Variants in MALT1 observed in about 807,000 individuals in gnomAD.
MALT1 encodes MALT1 paracaspase, also known as mucosa-associated lymphoid tissue lymphoma translocation protein 1.
MALT1 carries 36 observed loss-of-function variants against 85.5 expected under a neutral mutation model. The ratio of observed to expected loss-of-function variants is 0.42; its 90% CI spans 0.32 to 0.56. The LOEUF (loss-of-function observed/expected upper bound fraction) is 0.56. MALT1 is among the 20% of genes least tolerant of loss of function. MALT1 has a pLI of 0.10. For missense variants in MALT1, 716 were observed against 981.6 expected, an observed-to-expected ratio of 0.73 and a Z score of 3.62; for synonymous variants, 359 against 361.3, an observed-to-expected ratio of 0.99 and a Z score of 0.07.
At chr18:58,673,431 C>T (rs962663053) in intron 1 of MALT1, among the ~76,000 whole-genome samples, 1 of 151,938 alleles carries the variant, frequency 6.6e-6, no homozygotes, top group Non-Finnish European at 1.5e-5. Flanking sequence ...CTGCTTCATT[C>T]TTCTTTATTC....
At chr18:58,737,573 CT>C (rs542313784) in intron 13 of MALT1, among the ~76,000 whole-genome samples, 1 of 151,702 alleles carries the variant, frequency 6.6e-6, no homozygotes, top group Non-Finnish European at 1.5e-5. Context: ...TTACCAATTT[CT>C]TTTTTTAATT....
chr18:58,705,865 G>C (rs1285597171), intron 4 of MALT1, among the ~76,000 whole-genome samples: 1 of 152,046 alleles, frequency 6.6e-6, no homozygotes, highest in Non-Finnish European at 1.5e-5. Flanking sequence ...GGGTCAAATG[G>C]TATTTCCAGT....
Position 58,741,902 on chromosome 18 carries a change from T to G in MALT1, c.1641T>G (p.Ala547=). The change falls in exon 14 of 17, where the codon GCT becomes GCG. Residue 547 remains alanine, a synonymous_variant. Coordinates refer to ENST00000649217, the MANE Select transcript of MALT1 (RefSeq NM_006785.4). ...GTCACCTTACCAAAGGCAAACAGGC[T>G]CTAGAGATTCGAAGTAGTTTATCTG... ...GKCHLTKGKQ[A]LEIRSSLSEK... 1 of 1,556,364 alleles carries G rather than the reference T, an allele frequency of 6.4e-7. No individual in the cohort carries two copies. The highest frequency in any genetic ancestry group is 8.8e-7 in the Non-Finnish European group (1 of 1,137,802).
At chr18:58,733,612 TAAA>T (rs1193467461) in intron 11 of MALT1, 38 bp downstream of exon 11, 1 of 1,447,736 alleles carries the variant, frequency 6.9e-7, no homozygotes, top group East Asian at 2.3e-5. Context: ...TTGTTGGAGT[TAAA>T]TATCGACCAT....
chr18:58,747,668 T>C lies in MALT1; in HGVS notation c.2301T>C (p.Asn767=). ...GTGTTTACCATTCACATCCTGGTAA[T>C]CCAAGTAATGTTACACCAGCAGATA... ...FHGVYHSHPG[N]PSNVTPADSC... The change falls in exon 17 of 17, where the codon AAT becomes AAC. Residue 767 remains asparagine, a synonymous_variant. Coordinates refer to ENST00000649217, the MANE Select transcript of MALT1 (RefSeq NM_006785.4). 2.5e-6 allele frequency: 4 copies of C among 1,614,192 alleles called. No homozygotes were observed. Among genetic ancestry groups the C allele is most frequent in the Non-Finnish European group, 3.4e-6 (4 of 1,180,018 alleles).
Position 58,671,513 on chromosome 18 carries a change from GT to G in MALT1, c.-130del, listed in dbSNP as rs2054157791. 1 of 516,890 alleles carries G rather than the reference GT, an allele frequency of 1.9e-6. No homozygotes were observed. Among genetic ancestry groups the G allele is most frequent in the South Asian group, 1.0e-4 (1 of 9,838 alleles). The allele number at this position is 516,890 out of a possible 1,614,324, so 32.0% of individuals were successfully genotyped here. On this transcript the variant is annotated 5_prime_UTR_variant, in exon 1 of 17. Coordinates refer to ENST00000649217, the MANE Select transcript of MALT1 (RefSeq NM_006785.4). ...AGCGGAGCTTCCTCCTCTGAGGGCC[GT>G]GCCGCGCTGCCAGATTTGTTCTTCC...
chr18:58,734,217 CTG>C (rs988545741), intron 11 of MALT1, 88 bp from the exon 12 acceptor site: 3 of 1,120,046 alleles, frequency 2.7e-6, no homozygotes, highest in African/African-American at 3.2e-5. Flanking sequence ...TTCTAAAAAA[CTG>C]TTGTATTTTC....
intron 9 of MALT1, among the ~76,000 whole-genome samples, chr18:58,718,947 A>T (rs1424071676): frequency 2.0e-5 from 3 of 152,142 alleles, no homozygotes; most frequent in Non-Finnish European, 4.4e-5. Flanking sequence ...GAGAGGGAAA[A>T]AAGGGTGAAG....
At position 58,746,102 on chromosome 18, in the gene MALT1, C is replaced by G. The variant is rs1043187484; in HGVS notation, c.2037+311C>G. Reference sequence around the variant, plus strand: ...GCATGAACATGACCTACTATAACCTCAAACTCCTCAGTGCATATGATCCTG... The same window carrying G: ...GCATGAACATGACCTACTATAACCTGAAACTCCTCAGTGCATATGATCCTG... On this transcript the variant is annotated intron_variant, in intron 16 of 16. Coordinates refer to ENST00000649217, the MANE Select transcript of MALT1 (RefSeq NM_006785.4). Among the ~76,000 whole-genome samples, 8 of 152,288 alleles carry G rather than the reference C, an allele frequency of 5.3e-5. No individual in the cohort carries two copies. In the South Asian group the frequency reaches 1.2e-3, roughly 24 times the overall value.
intron 9 of MALT1, among the ~76,000 whole-genome samples, chr18:58,720,629 A>G (rs963180152): frequency 9.2e-5 from 14 of 152,206 alleles, no homozygotes; most frequent in African/African-American, 3.4e-4. Flanking sequence ...TTCTTTCCCA[A>G]ATAGAGAACA....
rs764427700 is a variant in MALT1, at chr18:58,727,618, TTTTTTTTTTG to T, written c.1222+4377_1222+4386del. Reference sequence around the variant, plus strand: ...CCAGCCTGCCAAAGGTTTTTTGTGTTTTTTTTTTTGTTTTTTTTTTTTTTGAGGAAAAAAA... The same window carrying T: ...CCAGCCTGCCAAAGGTTTTTTGTGTTTTTTTTTTTTTTTTGAGGAAAAAAA... On this transcript the variant is annotated intron_variant, in intron 10 of 16. Coordinates refer to ENST00000649217, the MANE Select transcript of MALT1 (RefSeq NM_006785.4). 3.8e-3 allele frequency among the ~76,000 whole-genome samples: 527 copies of T among 138,388 alleles called. 2 individuals are homozygous for T. Among genetic ancestry groups the T allele is most frequent in the Non-Finnish European group, 6.4e-3 (411 of 63,882 alleles). 90.8% of individuals were successfully genotyped at this position (138,388 alleles called of 152,430 possible).
chr18:58,698,062 G>GTT (rs1490530395), intron 3 of MALT1, among the ~76,000 whole-genome samples: 5 of 110,940 alleles, frequency 4.5e-5, no homozygotes, highest in Non-Finnish European at 8.9e-5. Flanking sequence ...TTGTTGTTTT[G>GTT]TTTTGTTTTT....
chr18:58,695,253 A>G (rs1357441835), intron 2 of MALT1, among the ~76,000 whole-genome samples: 2 of 152,194 alleles, frequency 1.3e-5, no homozygotes, highest in East Asian at 3.8e-4. Flanking sequence ...GAAACAGACT[A>G]ATACTCTTAC....
At chr18:58,689,580 G>C (rs570335561) in intron 2 of MALT1, among the ~76,000 whole-genome samples, 75 of 152,288 alleles carry the variant, frequency 4.9e-4, no homozygotes, top group Non-Finnish European at 9.1e-4. Flanking sequence ...CCTTGGCCTT[G>C]CCCTCATGGA....
intron 1 of MALT1, among the ~76,000 whole-genome samples, chr18:58,674,409 G>A (rs1441272458): frequency 6.6e-6 from 1 of 152,136 alleles, no homozygotes; most frequent in Admixed American, 6.5e-5. Flanking sequence ...CTGAGAATTT[G>A]GGGTGGGAAG....
intron 4 of MALT1, among the ~76,000 whole-genome samples, chr18:58,702,018 T>A (rs1028618626): frequency 6.6e-6 from 1 of 152,100 alleles, no homozygotes; most frequent in African/African-American, 2.4e-5. Context: ...AATTCAAAGC[T>A]ACCTAAAAAT....
At chr18:58,741,659 T>C (rs778946473) in intron 13 of MALT1, 10 of 368,734 alleles carry the variant, frequency 2.7e-5, no homozygotes, top group Non-Finnish European at 4.4e-5. Flanking sequence ...CATTGGCATA[T>C]ACTATTTATG....
At position 58,709,873 on chromosome 18, in the gene MALT1, A is replaced by G. The variant is rs1180204146; in HGVS notation, c.829-103A>G. ...ATGTAACAAATGTCTAAAGCCTTCTAAGATGTTATGTTTTGGAGCGTATTT... is the reference window on the plus strand; with the variant it reads ...ATGTAACAAATGTCTAAAGCCTTCTGAGATGTTATGTTTTGGAGCGTATTT... On this transcript the variant is annotated intron_variant, in intron 5 of 16. Transcript: ENST00000649217. 4 of 761,744 alleles carry G rather than the reference A, an allele frequency of 5.3e-6. No individual in the cohort carries two copies. In the East Asian group the frequency reaches 7.4e-5, roughly 14 times the overall value. The allele number at this position is 761,744 out of a possible 1,614,324, so 47.2% of individuals were successfully genotyped here.
Position 58,696,415 on chromosome 18 carries a change from G to A in MALT1, c.426G>A (p.Gln142=). 1.3e-6 allele frequency: 2 copies of A among 1,582,540 alleles called. No homozygotes were observed. Among genetic ancestry groups the A allele is most frequent in the Admixed American group, 1.8e-5 (1 of 56,630 alleles). ...NPESKAVLAG[Q]FVKLCCRATG... ...AGTCAAAGGCAGTCTTGGCTGGACA[G>A]TTTGTGAAACTGTGTTGCCGGGCAA... The change falls in exon 3 of 17, where the codon CAG becomes CAA. Residue 142 remains glutamine, a synonymous_variant. Coordinates refer to ENST00000649217, the MANE Select transcript of MALT1 (RefSeq NM_006785.4).
Sources: gnomAD v4.1 joint callset for allele counts (sites outside exome capture counted in the v4.1 genomes callset) on GRCh38, gnomAD v4.1.1 for gene constraint, MANE v1.5 for transcripts, NCBI Gene and HGNC (gene_info 2026-07-23, HGNC 2026-07-21) for gene names.